The following INTU variants were observed in gnomAD, a reference collection of about 807,000 sequenced individuals.
INTU encodes the protein protein inturned.
INTU carries 68 observed loss-of-function variants against 100.5 expected under a neutral mutation model. The observed-to-expected ratio is 0.68, with a 90% CI of 0.56 to 0.83. The LOEUF is 0.83. INTU is among the 40% of genes least tolerant of loss of function. The pLI is 0.00. For synonymous variants in INTU, 357 were observed against 395.7 expected (o/e 0.90, Z 1.16); for missense variants, 1,071 against 1,114.7 (o/e 0.96, Z 0.56).
intron 1 of INTU, among the ~76,000 whole-genome samples, chr4:127,639,660 T>C (rs929266234): frequency 4.6e-5 from 7 of 152,102 alleles, no homozygotes; most frequent in Non-Finnish European, 2.9e-5. Flanking sequence ...ATTACACATA[T>C]TTGTGGAGTA....
In INTU at chr4:127,674,349, A is replaced by T; in HGVS notation, c.1181+136A>T. 4.7e-6 allele frequency: 3 copies of T among 639,674 alleles called. No homozygotes were observed. In the East Asian group the frequency reaches 8.5e-5, roughly 18 times the overall value. 39.6% of individuals were successfully genotyped at this position (639,674 alleles called of 1,614,324 possible). A position where few individuals can be genotyped will look rare whatever the true frequency, so the allele number is the denominator to read the frequency against. The stretch of plus-strand genomic sequence containing the variant: ...GTTTAAAGATCTATTGCACTAGTAA[A>T]ATAGTTACCTGTGTTCGTTTGGTAT... On this transcript the variant is annotated intron_variant, in intron 6 of 15. Transcript: ENST00000335251.
chr4:127,708,084 C>T (rs749855532), intron 12 of INTU, among the ~76,000 whole-genome samples: 3 of 152,050 alleles, frequency 2.0e-5, no homozygotes, highest in East Asian at 1.9e-4. Context: ...TTATCACAGT[C>T]GATGGAATTG....
intron 4 of INTU, among the ~76,000 whole-genome samples, chr4:127,667,103 A>C (rs7692114): frequency 0.52 from 79,491 of 151,950 alleles, 20,996 homozygotes; most frequent in South Asian, 0.68. Context: ...ATAAAACATA[A>C]AACAAATTTC....
At chr4:127,665,918 G>A (rs1030795340) in intron 4 of INTU, among the ~76,000 whole-genome samples, 6 of 152,020 alleles carry the variant, frequency 3.9e-5, no homozygotes, top group African/African-American at 1.4e-4. Context: ...TGAATACGTG[G>A]GATTGCTTGT....
chr4:127,647,662 G>T (rs943118506), intron 2 of INTU, among the ~76,000 whole-genome samples: 1 of 151,882 alleles, frequency 6.6e-6, no homozygotes, highest in Non-Finnish European at 1.5e-5. Flanking sequence ...CTCAGTGGGG[G>T]GTTTTTTGGT....
At chr4:127,687,904 G>A (rs367922947) in intron 8 of INTU, 37 bp downstream of exon 8, 380 of 1,364,282 alleles carry the variant, frequency 2.8e-4, no homozygotes, top group Admixed American at 1.1e-3. Flanking sequence ...GCAGAACCAG[G>A]TGCCTTATTA....
At chr4:127,657,073 G>T (rs1728264649) in intron 3 of INTU, among the ~76,000 whole-genome samples, 1 of 151,918 alleles carries the variant, frequency 6.6e-6, no homozygotes, top group African/African-American at 2.4e-5. Context: ...TCTGTTCTCT[G>T]ACTTACTAAG....
Position 127,662,356 on chromosome 4 carries a change from C to T in INTU, c.769-1025C>T, listed in dbSNP as rs530010357. ...TTAGTCATAAATTCTTTGCCTATGC[C>T]AGTATCCAAAGAGTACATTTTCTTC... On this transcript the variant is annotated intron_variant, in intron 3 of 15. Transcript: ENST00000335251. Among the ~76,000 whole-genome samples the T allele has an allele frequency of 2.6e-5, 4 of 152,146 alleles. No individual in the cohort carries two copies. The East Asian group carries it at 7.7e-4, about 29-fold the overall frequency.
intron 4 of INTU, among the ~76,000 whole-genome samples, chr4:127,664,099 G>A (rs58701939): frequency 3.0e-4 from 46 of 152,168 alleles, no homozygotes; most frequent in Middle Eastern, 3.4e-3. Context: ...GCAGGGGGAT[G>A]TAGCATTAAC....
At chr4:127,704,909 G>A (rs1730812647) in intron 10 of INTU, among the ~76,000 whole-genome samples, 1 of 151,926 alleles carries the variant, frequency 6.6e-6, no homozygotes, top group Non-Finnish European at 1.5e-5. Context: ...CTAACATGGT[G>A]AAACCCCATC....
intron 4 of INTU, among the ~76,000 whole-genome samples, chr4:127,666,026 T>C (rs1728681562): frequency 6.6e-6 from 1 of 152,210 alleles, no homozygotes; most frequent in South Asian, 2.1e-4. Flanking sequence ...CTACTGTCAG[T>C]CTATCATTCC....
intron 9 of INTU, among the ~76,000 whole-genome samples, chr4:127,703,342 A>G (rs1730732780): frequency 6.6e-6 from 1 of 152,156 alleles, no homozygotes; most frequent in Admixed American, 6.5e-5. Flanking sequence ...TACGGGGTGA[A>G]GCTCCAAGCA....
At position 127,633,040 on chromosome 4, in the gene INTU, C is replaced by T. The variant is rs1182598327; in HGVS notation, c.6C>T (p.Ala2=). The T allele has an allele frequency of 2.5e-6, 4 of 1,612,684 alleles. No homozygotes were observed. Among genetic ancestry groups the T allele is most frequent in the East Asian group, 2.2e-5 (1 of 44,858 alleles). The change falls in exon 1 of 16, where the codon GCC becomes GCT. Residue 2 remains alanine, a synonymous_variant. Transcript: ENST00000335251. M[A]SVASCDSRPS... ...TAGCTATTGCATTCCTGACGATGGC[C>T]TCTGTGGCTTCGTGCGATTCGCGTC...
At chr4:127,697,025 G>C (rs1730422361) in intron 8 of INTU, among the ~76,000 whole-genome samples, 1 of 152,116 alleles carries the variant, frequency 6.6e-6, no homozygotes, top group African/African-American at 2.4e-5. Context: ...AGGCAGTATA[G>C]CACAGCAGTT....
chr4:127,674,229 G>T lies in INTU; in HGVS notation c.1181+16G>T. The T allele has an allele frequency of 6.4e-7, 1 of 1,566,670 alleles. No individual in the cohort carries two copies. The highest frequency in any genetic ancestry group is 2.3e-5 in the East Asian group (1 of 44,442). Reference sequence around the variant, plus strand: ...CTGCTGAAGAGTAAGTTGAGGTTTTGCTTACCTTAAAATCATTTCCAAATA... The same window carrying T: ...CTGCTGAAGAGTAAGTTGAGGTTTTTCTTACCTTAAAATCATTTCCAAATA... On this transcript the variant is annotated intron_variant, in intron 6 of 15. Coordinates refer to ENST00000335251, the MANE Select transcript of INTU (RefSeq NM_015693.4).
At chr4:127,644,520 T>A (rs1158254095) in intron 2 of INTU, among the ~76,000 whole-genome samples, 2 of 152,220 alleles carry the variant, frequency 1.3e-5, no homozygotes, top group African/African-American at 4.8e-5. Flanking sequence ...TCATTTGGCA[T>A]ATTTTGCAAC....
At chr4:127,660,682 T>A (rs1728437355) in intron 3 of INTU, among the ~76,000 whole-genome samples, 1 of 152,156 alleles carries the variant, frequency 6.6e-6, no homozygotes, top group Non-Finnish European at 1.5e-5. Flanking sequence ...ACTTTGGAAG[T>A]GATGAGTCAT....
intron 5 of INTU, among the ~76,000 whole-genome samples, chr4:127,671,028 A>C (rs185991173): frequency 8.5e-5 from 13 of 152,208 alleles, no homozygotes; most frequent in Non-Finnish European, 1.6e-4. Flanking sequence ...AAACCTAGGA[A>C]ACACTCTTCT....
chr4:127,675,032 C>T (rs1729112569), intron 6 of INTU, among the ~76,000 whole-genome samples: 1 of 152,168 alleles, frequency 6.6e-6, no homozygotes, highest in South Asian at 2.1e-4. Flanking sequence ...GAGAAATAGA[C>T]TACAAGTTTA....
Sources: allele counts gnomAD v4.1 joint callset (sites outside exome capture counted in the v4.1 genomes callset), GRCh38; gene constraint gnomAD v4.1.1; transcripts MANE v1.5; gene names NCBI Gene and HGNC (gene_info 2026-07-23, HGNC 2026-07-21).